The following ETV6 variants were observed in gnomAD, a reference collection of about 807,000 sequenced individuals.
ETV6 encodes transcription factor ETV6.
ETV6 carries 16 observed loss-of-function variants against 51.1 expected under a neutral mutation model. That is an observed-to-expected ratio of 0.31 (90% CI 0.21 to 0.48). ETV6 has a LOEUF of 0.48. Ranked by LOEUF, ETV6 falls within the 20% of genes least tolerant of loss-of-function variation. The pLI is 0.99. For missense variants in ETV6, 458 were observed against 594.8 expected (o/e 0.77, Z 2.39); for synonymous variants, 240 against 224.1 (o/e 1.07, Z -0.64).
At chr12:11,724,314 A>G (rs10772500) in intron 1 of ETV6, among the ~76,000 whole-genome samples, 132,851 of 152,202 alleles carry the variant, frequency 0.87, 60,339 homozygotes, top group Non-Finnish European at 0.99. Flanking sequence ...AGAAAGGAGT[A>G]TGGTTTGGGA....
At position 11,869,414 on chromosome 12, in the gene ETV6, T is replaced by C. The variant is rs1946842311; in HGVS notation, c.464-10T>C. On this transcript the variant is annotated splice_polypyrimidine_tract_variant and intron_variant, in intron 4 of 7. Transcript: ENST00000396373. This position sits in a 1 kb window ranked among gnomAD's most constrained non-coding sequence, Gnocchi z 5.0. ...TGGGGTCTGTGATTGTCTTTCCCTC[T>C]GCTCCACAGATAACTGTGTCCAGAG... The C allele has an allele frequency of 5.0e-6, 8 of 1,595,066 alleles. No homozygotes were observed. The highest frequency in any genetic ancestry group is 6.8e-6 in the Non-Finnish European group (8 of 1,169,588).
rs137935524 is a variant in ETV6 at position 11,744,058 on chromosome 12, A to C, written c.34-8392A>C. Among the ~76,000 whole-genome samples, 14 of 152,258 alleles carry C rather than the reference A, an allele frequency of 9.2e-5. No homozygotes were observed. In the East Asian group the frequency reaches 2.7e-3, roughly 29 times the overall value. The stretch of plus-strand genomic sequence containing the variant: ...TTCTGCCCAGGTTTTAAGTCTCATG[A>C]GTTAAAACCTGGGGAAGCTCCCACC... On this transcript the variant is annotated intron_variant, in intron 1 of 7. Transcript: ENST00000396373.
intron 4 of ETV6, among the ~76,000 whole-genome samples, chr12:11,868,385 T>C (rs899721967): frequency 3.3e-5 from 5 of 151,968 alleles, no homozygotes; most frequent in African/African-American, 1.2e-4. Flanking sequence ...TGGTATCTCT[T>C]GGTTAGGAGT....
chr12:11,689,814 C>T (rs1359322959), intron 1 of ETV6, among the ~76,000 whole-genome samples: 1 of 99,076 alleles, frequency 1.0e-5, no homozygotes, highest in Non-Finnish European at 2.0e-5. Flanking sequence ...TTCCCTCCCC[C>T]CCCCCCCCAC....
chr12:11,787,230 T>G (rs1945500675), intron 2 of ETV6, among the ~76,000 whole-genome samples: 1 of 152,186 alleles, frequency 6.6e-6, no homozygotes, highest in Admixed American at 6.5e-5. Context: ...GTAAGCAGAA[T>G]CTTTCAAAAT....
chr12:11,737,980 A>G (rs1284413066), intron 1 of ETV6, among the ~76,000 whole-genome samples: 2 of 152,204 alleles, frequency 1.3e-5, no homozygotes, highest in East Asian at 3.8e-4. Context: ...GAGGAAAGCC[A>G]ATAACGATGG....
intron 4 of ETV6, among the ~76,000 whole-genome samples, chr12:11,863,111 C>T (rs2416944): frequency 0.38 from 57,303 of 152,086 alleles, 13,113 homozygotes; most frequent in South Asian, 0.58. Flanking sequence ...GAGATGCAAA[C>T]TTGATCTTAG....
intron 1 of ETV6, among the ~76,000 whole-genome samples, chr12:11,704,771 G>T (rs1433343357): frequency 6.6e-6 from 1 of 151,164 alleles, no homozygotes; most frequent in Non-Finnish European, 1.5e-5. Context: ...ATTCTCACAG[G>T]GGTTTGTGTG....
intron 2 of ETV6, among the ~76,000 whole-genome samples, chr12:11,761,659 A>G (rs996227401): frequency 6.6e-6 from 1 of 152,204 alleles, no homozygotes; most frequent in African/African-American, 2.4e-5. Context: ...ACACGCTACA[A>G]CAGGGTAAGA....
chr12:11,650,180 CTT>C lies in ETV6; in HGVS notation c.33+21_33+22del. The C allele has an allele frequency of 6.2e-7, 1 of 1,610,436 alleles. No homozygotes were observed. Among genetic ancestry groups the C allele is most frequent in the East Asian group, 2.2e-5 (1 of 44,868 alleles). On this transcript the variant is annotated intron_variant, in intron 1 of 7. Transcript: ENST00000396373. The stretch of plus-strand genomic sequence containing the variant: ...ATTAAGGTAAAAATCTTCTCCCCTC[CTT>C]CTACGTGGTGGAAACCCTGAGCTGC...
intron 2 of ETV6, among the ~76,000 whole-genome samples, chr12:11,779,482 T>A (rs866866332): frequency 6.6e-6 from 1 of 152,186 alleles, no homozygotes; most frequent in Non-Finnish European, 1.5e-5. Context: ...AAAAAAGAAG[T>A]CAGACTCTAA....
chr12:11,692,216 G>C (rs1038736925), intron 1 of ETV6, among the ~76,000 whole-genome samples: 3 of 152,074 alleles, frequency 2.0e-5, no homozygotes, highest in Non-Finnish European at 4.4e-5. Flanking sequence ...TTTATAAGAA[G>C]AGGAAGAGAG....
At position 11,728,915 on chromosome 12, in the gene ETV6, C is replaced by G. The variant is rs560303059; in HGVS notation, c.34-23535C>G. Among the ~76,000 whole-genome samples the G allele has an allele frequency of 8.2e-4, 125 of 152,318 alleles. No individual in the cohort carries two copies. In the South Asian group the frequency reaches 0.016, roughly 20 times the overall value. On this transcript the variant is annotated intron_variant, in intron 1 of 7. Coordinates refer to ENST00000396373, the MANE Select transcript of ETV6 (RefSeq NM_001987.5). ...CTTTAGCCGTATACCTACATGGTTC[C>G]ATAGTTATCAATGTTTATTTACAAT...
At chr12:11,782,735 A>G (rs1945430358) in intron 2 of ETV6, among the ~76,000 whole-genome samples, 1 of 152,226 alleles carries the variant, frequency 6.6e-6, no homozygotes, top group South Asian at 2.1e-4. Context: ...TTAATTCTCA[A>G]AAAGTAATTT....
chr12:11,847,022 G>A (rs951047279), intron 3 of ETV6, among the ~76,000 whole-genome samples: 8 of 152,190 alleles, frequency 5.3e-5, no homozygotes, highest in South Asian at 2.1e-4. Context: ...ACAGGCAGAG[G>A]ATCGGCATGG....
At chr12:11,667,900 C>T (rs1390343972) in intron 1 of ETV6, among the ~76,000 whole-genome samples, 1 of 151,746 alleles carries the variant, frequency 6.6e-6, no homozygotes, top group Non-Finnish European at 1.5e-5. Context: ...CAGAGTTTCA[C>T]CATCTTGGCC....
chr12:11,715,262 G>A (rs1865253462), intron 1 of ETV6, among the ~76,000 whole-genome samples: 1 of 152,122 alleles, frequency 6.6e-6, no homozygotes, highest in Non-Finnish European at 1.5e-5. Context: ...TTTTCTTAGA[G>A]CCTTGAGTGG....
intron 2 of ETV6, among the ~76,000 whole-genome samples, chr12:11,795,565 T>C (rs1945664457): frequency 6.6e-6 from 1 of 152,268 alleles, no homozygotes; most frequent in Non-Finnish European, 1.5e-5. Context: ...TCATGCAGTC[T>C]TTGGAAGTTC....
intron 3 of ETV6, among the ~76,000 whole-genome samples, chr12:11,853,202 G>A (rs1344471591): frequency 3.3e-5 from 5 of 152,280 alleles, no homozygotes; most frequent in Middle Eastern, 3.4e-3. Flanking sequence ...AAAAGTATAC[G>A]ATTTTCATAA....
Sources: allele counts gnomAD v4.1 joint callset (sites outside exome capture counted in the v4.1 genomes callset), GRCh38; gene constraint gnomAD v4.1.1; non-coding constraint Gnocchi (gnomAD v3.1); transcripts MANE v1.5; gene names NCBI Gene and HGNC (gene_info 2026-07-23, HGNC 2026-07-21).